The following TAOK3 variants were observed in gnomAD, a reference collection of about 807,000 sequenced individuals.
TAOK3 encodes the protein serine/threonine-protein kinase TAO3.
Under a neutral mutation model 120.4 loss-of-function variants are expected in TAOK3, and 40 were observed. That is an observed-to-expected ratio of 0.33 (90% CI 0.26 to 0.43). TAOK3 has a LOEUF of 0.43. Ranked by LOEUF, TAOK3 falls within the 20% of genes least tolerant of loss-of-function variation. TAOK3 has a pLI of 1.00. For synonymous variants in TAOK3, 355 were observed against 387.5 expected (o/e 0.92, Z 0.99); for missense variants, 821 against 1,112.1 (o/e 0.74, Z 3.72).
chr12:118,163,435 C>T (rs2035351227), intron 17 of TAOK3, among the ~76,000 whole-genome samples: 1 of 111,922 alleles, frequency 8.9e-6, no homozygotes, highest in Non-Finnish European at 1.8e-5. Flanking sequence ...AATACAGGGA[C>T]ATACTTTTTT....
intron 1 of TAOK3, among the ~76,000 whole-genome samples, chr12:118,269,679 A>C (rs1299277369): frequency 6.6e-6 from 1 of 152,040 alleles, no homozygotes; most frequent in Non-Finnish European, 1.5e-5. Flanking sequence ...CCACTTTTAC[A>C]TAATTTTCTT....
chr12:118,249,825 C>A (rs1373364033), intron 3 of TAOK3, among the ~76,000 whole-genome samples: 1 of 152,030 alleles, frequency 6.6e-6, no homozygotes, highest in Non-Finnish European at 1.5e-5. Context: ...GAGTGAGAGA[C>A]CCTGTCTCTA....
At chr12:118,348,250 T>A (rs2044962383) in intron 1 of TAOK3, among the ~76,000 whole-genome samples, 1 of 152,192 alleles carries the variant, frequency 6.6e-6, no homozygotes, top group Admixed American at 6.5e-5. Flanking sequence ...TTGATGTCAT[T>A]CTATTTTGCC....
intron 1 of TAOK3, among the ~76,000 whole-genome samples, chr12:118,340,862 G>C (rs1348519450): frequency 1.3e-5 from 2 of 151,844 alleles, no homozygotes; most frequent in Non-Finnish European, 2.9e-5. Flanking sequence ...AGGACTGCTT[G>C]AGCACAGGTA....
At chr12:118,192,212 G>T (rs2037469146) in intron 13 of TAOK3, among the ~76,000 whole-genome samples, 3 of 152,176 alleles carry the variant, frequency 2.0e-5, no homozygotes, top group South Asian at 4.1e-4. Flanking sequence ...ACTTGAGGAA[G>T]TTGAAGTACA....
Position 118,232,952 on chromosome 12 carries a change from C to T in TAOK3, c.643+722G>A, listed in dbSNP as rs552215764. ...ATGCTGCTATAAAGACACATGCACA[C>T]GCATGTTTATTGTGGCACTATTCAC... On this transcript the variant is annotated intron_variant, in intron 9 of 20. Transcript: ENST00000392533. Among the ~76,000 whole-genome samples, 8 of 152,074 alleles carry T rather than the reference C, an allele frequency of 5.3e-5. No homozygotes were observed. In the South Asian group the frequency reaches 1.5e-3, roughly 28 times the overall value.
chr12:118,347,086 C>A (rs1297056513), intron 1 of TAOK3, among the ~76,000 whole-genome samples: 1 of 152,174 alleles, frequency 6.6e-6, no homozygotes, highest in Non-Finnish European at 1.5e-5. Flanking sequence ...CTCACTGAAG[C>A]CTTGACTGCC....
Position 118,331,040 on chromosome 12 carries a change from C to T in TAOK3, c.-194+41608G>A, listed in dbSNP as rs1051245138. 2.6e-4 allele frequency among the ~76,000 whole-genome samples: 40 copies of T among 152,068 alleles called. 1 individual carries two copies. Among genetic ancestry groups the T allele is most frequent in the Admixed American group, 2.6e-4 (4 of 15,252 alleles). On this transcript the variant is annotated intron_variant, in intron 1 of 20. Transcript: ENST00000392533. ...TATGGCATACACAGGTCTGCAGTCT[C>T]GTTTTATATTAGAAGGCAGAAATTC...
At chr12:118,273,195 T>C (rs2041781278) in intron 1 of TAOK3, among the ~76,000 whole-genome samples, 1 of 151,990 alleles carries the variant, frequency 6.6e-6, no homozygotes, top group African/African-American at 2.4e-5. Flanking sequence ...GTAAACAAAT[T>C]TGAGGGCCTC....
intron 11 of TAOK3, among the ~76,000 whole-genome samples, chr12:118,203,956 G>C (rs188954356): frequency 8.0e-4 from 122 of 152,224 alleles, no homozygotes; most frequent in African/African-American, 2.8e-3. Context: ...ACGAAACACT[G>C]TTTCTGAGCC....
intron 5 of TAOK3, among the ~76,000 whole-genome samples, chr12:118,241,817 G>A (rs921342448): frequency 1.3e-5 from 2 of 152,126 alleles, no homozygotes; most frequent in Admixed American, 1.3e-4. Flanking sequence ...TATAATCTAA[G>A]AATAAACAGG....
chr12:118,203,952 C>T (rs1192396613), intron 11 of TAOK3, among the ~76,000 whole-genome samples: 3 of 152,118 alleles, frequency 2.0e-5, no homozygotes, highest in East Asian at 1.9e-4. Context: ...GTTCACGAAA[C>T]ACTGTTTCTG....
chr12:118,305,898 C>T (rs1267065787), intron 1 of TAOK3, among the ~76,000 whole-genome samples: 2 of 145,932 alleles, frequency 1.4e-5, no homozygotes, highest in African/African-American at 5.1e-5. Flanking sequence ...AAACGAGACT[C>T]CGTCTCAAAA....
At chr12:118,297,211 CAAG>C (rs924111639) in intron 1 of TAOK3, 3 of 152,080 alleles carry the variant, frequency 2.0e-5, no homozygotes, top group Admixed American at 6.6e-5. Flanking sequence ...GAATAGAATG[CAAG>C]AAGAAGGGCT....
chr12:118,167,454 T>C (rs2035674277), intron 17 of TAOK3, among the ~76,000 whole-genome samples: 1 of 152,064 alleles, frequency 6.6e-6, no homozygotes, highest in African/African-American at 2.4e-5. Context: ...TTATTAATAA[T>C]ACTGTAAAAC....
At chr12:118,197,682 CTT>C (rs67635506) in intron 13 of TAOK3, among the ~76,000 whole-genome samples, 9,716 of 90,180 alleles carry the variant, frequency 0.11, 165 homozygotes, top group Middle Eastern at 0.12. Context: ...GCAAAACCTT[CTT>C]TTTTTTTTTT....
chr12:118,248,964 CTAGA>C (rs1182460237), intron 3 of TAOK3, among the ~76,000 whole-genome samples: 1 of 151,808 alleles, frequency 6.6e-6, no homozygotes, highest in Non-Finnish European at 1.5e-5. Context: ...TCAAAACATG[CTAGA>C]TAGAAACTTA....
intron 3 of TAOK3, among the ~76,000 whole-genome samples, chr12:118,249,722 C>T (rs535149609): frequency 5.6e-4 from 85 of 152,134 alleles, no homozygotes; most frequent in African/African-American, 2.0e-3. Context: ...TAGCTACCTA[C>T]TCAGGAGGCA....
Position 118,181,515 on chromosome 12 carries a change from C to A in TAOK3, c.1422G>T (p.Gln474His). The A allele has an allele frequency of 1.2e-6, 2 of 1,614,230 alleles. No homozygotes were observed. The highest frequency in any genetic ancestry group is 1.7e-6 in the Non-Finnish European group (2 of 1,180,048). Residue 474 changes from glutamine to histidine, a missense_variant, in exon 15 of 21, where the codon CAG (glutamine) becomes CAT (histidine). Gln to His is a conservative substitution (Grantham distance 24). Around this residue, in one of 2 missense-constraint regions of TAOK3, gnomAD observed 354 missense variants for 572.1 expected, o/e 0.62. Transcript: ENST00000392533. ...YKRMRRQHQK[Q>H]LIALENKLKA... ...TCAGCTTGTTCTCCAGGGCGATCAG[C>A]TGCTTCTGGTGCTGGCGCCGCATCC... is the stretch of plus-strand genomic sequence containing the variant.
Sources: gnomAD v4.1 joint callset for allele counts (sites outside exome capture counted in the v4.1 genomes callset) on GRCh38, gnomAD v4.1.1 for gene constraint, gnomAD v4.1.1 regional missense constraint, MANE v1.5 for transcripts, NCBI Gene and HGNC (gene_info 2026-07-23, HGNC 2026-07-21) for gene names.